The following SUV39H1 variants were observed in gnomAD, a reference collection of about 807,000 sequenced individuals.
The protein encoded by SUV39H1 is histone-lysine N-methyltransferase SUV39H1.
For missense variants in SUV39H1, 180 were observed against 386.3 expected (o/e 0.47, Z 4.48); for synonymous variants, 141 against 150.5 (o/e 0.94, Z 0.46).
chrX:48,698,126 T>C (rs1380311790), intron 1 of SUV39H1, among the ~76,000 whole-genome samples: 3 of 112,219 alleles, frequency 2.7e-5, no homozygotes, highest in Non-Finnish European at 5.6e-5. Context: ...TGCTCATAAT[T>C]CCGAAATCTA....
At chrX:48,696,274 G>A (rs2062454448), upstream of SUV39H1, among the ~76,000 whole-genome samples, 1 of 112,518 alleles carries the variant, frequency 8.9e-6, no homozygotes, top group Admixed American at 9.3e-5. Flanking sequence ...ACAAATGGAA[G>A]CCAGTATTGA....
Position 48,700,816 on chromosome X carries a change from C to T in SUV39H1, c.828+63C>T, listed in dbSNP as rs1247986014. On this transcript the variant is annotated intron_variant, in intron 3 of 5. Coordinates refer to ENST00000376687, the MANE Select transcript of SUV39H1 (RefSeq NM_003173.4). ...CCCACCCTGTGTTCACAGTGTGCACCCGGCTCTCCTCACTGTGTGTCTGAA... is the reference window on the plus strand; with the variant it reads ...CCCACCCTGTGTTCACAGTGTGCACTCGGCTCTCCTCACTGTGTGTCTGAA... The T allele has an allele frequency of 3.5e-6, 4 of 1,135,422 alleles. No homozygotes were observed. In the Admixed American group the frequency reaches 7.1e-5, roughly 20 times the overall value. 93.6% of individuals were successfully genotyped at this position (1,135,422 alleles called of 1,213,427 possible).
chrX:48,696,705 T>C, upstream of SUV39H1: 1 of 1,106,548 alleles, frequency 9.0e-7, no homozygotes, highest in Non-Finnish European at 1.2e-6. Flanking sequence ...GCCAATAGGC[T>C]GCGCGTTCCC....
chrX:48,707,771 A>G lies in SUV39H1; in HGVS notation c.*201A>G. The stretch of plus-strand genomic sequence containing the variant: ...AGTCCCCTTTCCCTGTCCCAGCCCC[A>G]TCTGTGGGTTGCACTTACAAACCCC... On this transcript the variant is annotated 3_prime_UTR_variant, in exon 6 of 6. Transcript: ENST00000376687. 1.9e-6 allele frequency: 1 copy of G among 521,613 alleles called. No homozygotes were observed. Among genetic ancestry groups the G allele is most frequent in the Non-Finnish European group, 3.4e-6 (1 of 297,126 alleles). The allele number at this position is 521,613 out of a possible 1,213,427, so 43.0% of individuals were successfully genotyped here. A position where few individuals can be genotyped will look rare whatever the true frequency, so the allele number is the denominator to read the frequency against.
At chrX:48,695,994 T>C (rs1284148621), upstream of SUV39H1, 1 of 977,696 alleles carries the variant, frequency 1.0e-6, no homozygotes, top group Non-Finnish European at 1.4e-6. Flanking sequence ...AGTGACCAAC[T>C]GATAGTGCCC....
chrX:48,699,149 T>G, intron 2 of SUV39H1, 102 bp downstream of exon 2: 3 of 954,161 alleles, frequency 3.1e-6, no homozygotes, highest in Non-Finnish European at 4.2e-6. Flanking sequence ...CAAAGGGAAT[T>G]TTCTCCTTTG....
At chrX:48,695,908 G>A (rs938366573), upstream of SUV39H1, 18 of 1,154,253 alleles carry the variant, frequency 1.6e-5, no homozygotes, top group Non-Finnish European at 2.1e-5. Context: ...TAGTTGCTGT[G>A]ACTATTTGCT....
rs1569494946 is a variant in SUV39H1 at position 48,700,690 on chromosome X, C to T, written c.765C>T (p.Gly255=). The T allele has an allele frequency of 8.3e-7, 1 of 1,212,024 alleles. No homozygotes were observed. Among genetic ancestry groups the T allele is most frequent in the African/African-American group, 1.7e-5 (1 of 57,936 alleles). Residue 255 remains glycine (G), a synonymous_variant, in exon 3 of 6, where the codon GGC becomes GGT. Coordinates refer to ENST00000376687, the MANE Select transcript of SUV39H1 (RefSeq NM_003173.4). ...TCTTCCGCACGGATGATGGGCGTGG[C>T]TGGGGCGTCCGCACCCTGGAGAAGA... ...LCIFRTDDGR[G]WGVRTLEKIR... is the part of the protein sequence containing the mutation.
chrX:48,697,924 G>A (rs2062461865), intron 1 of SUV39H1, among the ~76,000 whole-genome samples: 1 of 112,398 alleles, frequency 8.9e-6, no homozygotes, highest in South Asian at 3.6e-4. Flanking sequence ...AAAAGAATCA[G>A]TGTCACTAAT....
chrX:48,699,552 AAAAGAG>A (rs2062467476), intron 2 of SUV39H1, among the ~76,000 whole-genome samples: 2 of 111,749 alleles, frequency 1.8e-5, no homozygotes, highest in South Asian at 3.7e-4. Flanking sequence ...TCCTTGTCGT[AAAAGAG>A]GGATAACTAG....
chrX:48,707,097 A>C (rs2062493284), intron 5 of SUV39H1, among the ~76,000 whole-genome samples: 1 of 106,546 alleles, frequency 9.4e-6, no homozygotes, highest in African/African-American at 3.4e-5. Flanking sequence ...GTGGCCCTCT[A>C]TTCCTGCCCC....
rs2062465617 is a variant in SUV39H1, at chrX:48,699,058, G to A, written c.165+11G>A. 8.3e-7 allele frequency: 1 copy of A among 1,198,012 alleles called. No individual in the cohort carries two copies. ...TACAAGAAGATCCGCGTGAGTCTGG[G>A]GTGACCATGCTCTGGGAGGGGACAG... On this transcript the variant is annotated intron_variant, in intron 2 of 5. Coordinates refer to ENST00000376687, the MANE Select transcript of SUV39H1 (RefSeq NM_003173.4).
intron 5 of SUV39H1, among the ~76,000 whole-genome samples, chrX:48,707,132 G>A (rs1449969884): frequency 2.1e-5 from 2 of 93,989 alleles, no homozygotes; most frequent in African/African-American, 4.1e-5. Flanking sequence ...CACCTAAAAC[G>A]ACCCTCCTGG....
chrX:48,700,185 A>G lies in SUV39H1; in HGVS notation c.260A>G (p.Lys87Arg). ...AATCTCAAGTGTGTGCGTATCCTCA[A>G]GCAGTTCCACAAGGACTTAGAAAGG... ...RQNLKCVRIL[K>R]QFHKDLEREL... is the part of the protein sequence containing the mutation. The change falls in exon 3 of 6, where the codon AAG becomes AGG. Residue 87 changes from lysine (K) to arginine (R), a missense_variant. By Grantham distance (26) the Lys-to-Arg change is conservative. Transcript: ENST00000376687. 1 of 1,202,699 alleles carries G rather than the reference A, an allele frequency of 8.3e-7. No individual in the cohort carries two copies. Among genetic ancestry groups the G allele is most frequent in the Non-Finnish European group, 1.1e-6 (1 of 890,883 alleles).
Position 48,698,847 on chromosome X carries a change from C to T in SUV39H1, c.20-55C>T. ...AGGGAGGATTTGGGGTCCCCTTTGA[C>T]TCCTGGCCTAGTCAGGCTGCCCAGT... On this transcript the variant is annotated intron_variant, in intron 1 of 5. Transcript: ENST00000376687. 4.2e-6 allele frequency: 5 copies of T among 1,178,349 alleles called. No homozygotes were observed. The East Asian group carries it at 1.2e-4, about 28-fold the overall frequency.
chrX:48,696,932 G>A (rs1557008732), intron 1 of SUV39H1, 129 bp downstream of exon 1: 1 of 375,988 alleles, frequency 2.7e-6, no homozygotes, highest in Non-Finnish European at 3.8e-6. Context: ...GCGCGGAAAG[G>A]ATGAGGCTCG....
intron 3 of SUV39H1, 108 bp downstream of exon 3, chrX:48,700,861 G>A (rs782440420): frequency 4.2e-5 from 41 of 965,726 alleles, no homozygotes; most frequent in Middle Eastern, 2.5e-4. Context: ...TTTCCCTATG[G>A]GAAAGGCCTG....
intron 3 of SUV39H1, among the ~76,000 whole-genome samples, chrX:48,706,042 C>G (rs967421927): frequency 2.7e-4 from 30 of 113,043 alleles, no homozygotes; most frequent in Non-Finnish European, 4.5e-4. Flanking sequence ...CCTGCACTCA[C>G]CGCCAGGGAC....
intron 1 of SUV39H1, among the ~76,000 whole-genome samples, chrX:48,697,438 G>A (rs2062460475): frequency 8.9e-6 from 1 of 111,799 alleles, no homozygotes; most frequent in Non-Finnish European, 1.9e-5. Context: ...GAGGACCTCT[G>A]AGGGGTTCAG....
Sources: allele counts gnomAD v4.1 joint callset (sites outside exome capture counted in the v4.1 genomes callset), GRCh38; gene constraint gnomAD v4.1.1; transcripts MANE v1.5; gene names NCBI Gene and HGNC (gene_info 2026-07-23, HGNC 2026-07-21).